The following PUM1 variants were observed in gnomAD, a reference collection of about 807,000 sequenced individuals.
PUM1 encodes pumilio homolog 1.
Under a neutral mutation model 131.8 loss-of-function variants are expected in PUM1, and 13 were observed. The observed-to-expected ratio is 0.10, with a 90% CI of 0.06 to 0.16. The LOEUF (loss-of-function observed/expected upper bound fraction) is 0.16. PUM1 is among the 10% of genes least tolerant of loss of function. The pLI, the probability that PUM1 is intolerant of heterozygous loss-of-function variation, is 1.00. For missense variants in PUM1, 961 were observed against 1,512.4 expected, an observed-to-expected ratio of 0.64 and a Z score of 6.05; for synonymous variants, 509 against 556.5, an observed-to-expected ratio of 0.91 and a Z score of 1.20.
At chr1:30,967,000 A>C (rs1640648964) in intron 12 of PUM1, 167 bp downstream of exon 12, 6 of 702,706 alleles carry the variant, frequency 8.5e-6, no homozygotes, top group Admixed American at 3.6e-5. Context: ...AACAAAAAGG[A>C]GAATCCACTA....
intron 1 of PUM1, among the ~76,000 whole-genome samples, chr1:31,062,452 T>G (rs928368348): frequency 6.6e-6 from 1 of 151,970 alleles, no homozygotes; most frequent in Non-Finnish European, 1.5e-5. Flanking sequence ...AAACCCCGTC[T>G]CTACTAAAAA....
At chr1:30,980,557 G>A (rs1181354913) in intron 8 of PUM1, among the ~76,000 whole-genome samples, 1 of 151,838 alleles carries the variant, frequency 6.6e-6, no homozygotes, top group African/African-American at 2.4e-5. Context: ...AAAATGTATG[G>A]GTATTTATAA....
intron 21 of PUM1, 97 bp from the exon 22 acceptor site, chr1:30,933,439 T>TACATACACACACAC: frequency 2.8e-6 from 1 of 362,424 alleles, no homozygotes; most frequent in Non-Finnish European, 4.9e-6. Context: ...CACACACACA[T>TACATACACACACAC]ACACACACAC....
In PUM1 at chr1:30,967,199, G is replaced by A; in HGVS notation, c.1757C>T (p.Pro586Leu). The A allele has an allele frequency of 6.2e-7, 1 of 1,614,128 alleles. No homozygotes were observed. The highest frequency in any genetic ancestry group is 8.5e-7 in the Non-Finnish European group (1 of 1,179,998). ...GAPVRLVAPA[P>L]VIISSSAAQA... The stretch of plus-strand genomic sequence containing the variant: ...TGCAGCTGAGGAACTAATGATGACT[G>A]GGGCAGGAGCTACAAGTCGAACAGG... Residue 586 changes from proline to leucine, a missense_variant, in exon 12 of 22, where the codon CCA (proline) becomes CTA (leucine). Around this residue, in one of 4 missense-constraint regions of PUM1, gnomAD observed 654 missense variants for 923.9 expected, o/e 0.71. Transcript: ENST00000426105.
chr1:31,036,729 A>G (rs1643623398), intron 2 of PUM1: 1 of 152,818 alleles, frequency 6.5e-6, no homozygotes, highest in South Asian at 2.1e-4. Flanking sequence ...ATACATGAGG[A>G]CACGTTTAGG....
At chr1:30,941,121 G>A (rs1180470813) in intron 20 of PUM1, 30 bp downstream of exon 20, 1 of 1,592,924 alleles carries the variant, frequency 6.3e-7, no homozygotes, top group African/African-American at 1.3e-5. Flanking sequence ...TCTCTTCTGG[G>A]AAATAGTCCT....
Position 30,932,909 on chromosome 1 carries a change from A to G in PUM1, c.*302T>C, listed in dbSNP as rs554764291. On this transcript the variant is annotated 3_prime_UTR_variant, in exon 22 of 22. Coordinates refer to ENST00000426105, the MANE Select transcript of PUM1 (RefSeq NM_001020658.2). ...TCCACATGTGAAATATAGATACAAC[A>G]GTGAACAAAATATGTGGCCTCCCAT... 1.6e-4 allele frequency: 31 copies of G among 193,316 alleles called. No homozygotes were observed. In the Admixed American group the frequency reaches 1.7e-3, roughly 10 times the overall value. 12.0% of individuals were successfully genotyped at this position (193,316 alleles called of 1,614,324 possible).
chr1:30,945,558 A>C (rs1639633203), intron 17 of PUM1, 75 bp from the exon 18 acceptor site: 1 of 1,475,736 alleles, frequency 6.8e-7, no homozygotes, highest in African/African-American at 1.4e-5. Flanking sequence ...TTTTCACCAA[A>C]CATGAAAGCA....
intron 2 of PUM1, 126 bp downstream of exon 2, chr1:31,059,078 A>C: frequency 8.9e-7 from 1 of 1,121,174 alleles, no homozygotes; most frequent in Non-Finnish European, 1.3e-6. Flanking sequence ...CTTTATAACA[A>C]GTAACTGTTT....
At chr1:30,975,022 A>G (rs1252383323) in intron 9 of PUM1, among the ~76,000 whole-genome samples, 3 of 152,248 alleles carry the variant, frequency 2.0e-5, no homozygotes, top group Admixed American at 6.5e-5. Flanking sequence ...TAGAGGAAGA[A>G]GCAGTGGGGA....
At chr1:31,013,933 T>C (rs1642714967) in intron 3 of PUM1, among the ~76,000 whole-genome samples, 1 of 152,154 alleles carries the variant, frequency 6.6e-6, no homozygotes, top group Non-Finnish European at 1.5e-5. Flanking sequence ...TTAAAACATA[T>C]CTTTAAGAAA....
intron 12 of PUM1, among the ~76,000 whole-genome samples, chr1:30,966,581 A>T (rs892684675): frequency 6.6e-6 from 1 of 152,180 alleles, no homozygotes; most frequent in Admixed American, 6.5e-5. Flanking sequence ...TAAAATCTTA[A>T]ATTCCATAAA....
At chr1:30,996,809 C>G (rs1641995714) in intron 5 of PUM1, among the ~76,000 whole-genome samples, 2 of 152,134 alleles carry the variant, frequency 1.3e-5, no homozygotes, top group South Asian at 4.1e-4. Flanking sequence ...TTCAAAATAT[C>G]CAAAGGCAAT....
chr1:31,030,745 C>A (rs917001803), intron 2 of PUM1, among the ~76,000 whole-genome samples: 2 of 151,902 alleles, frequency 1.3e-5, no homozygotes, highest in Admixed American at 1.3e-4. Flanking sequence ...TGCTGCCTAG[C>A]TGCCTATACA....
At chr1:31,003,214 C>CT (rs1642277194) in intron 5 of PUM1, among the ~76,000 whole-genome samples, 1 of 152,176 alleles carries the variant, frequency 6.6e-6, no homozygotes, top group South Asian at 2.1e-4. Flanking sequence ...ACCACTCCTC[C>CT]TTTAGAACAA....
Position 31,059,222 on chromosome 1 carries a change from G to A in PUM1, c.345C>T (p.Asn115=). 1 of 1,591,424 alleles carries A rather than the reference G, an allele frequency of 6.3e-7. No individual in the cohort carries two copies. The highest frequency in any genetic ancestry group is 8.6e-7 in the Non-Finnish European group (1 of 1,168,704). ...NSKHRWPTGD[N]IHAEHQVRSM... is the part of the protein sequence containing the mutation. ...TTTTTACCTGATGTTCTGCATGAAT[G>A]TTATCCCCAGTAGGCCATCGATGTT... The change falls in exon 2 of 22, where the codon AAC becomes AAT. Residue 115 remains asparagine (N), a synonymous_variant. Transcript: ENST00000426105.
In PUM1 at chr1:30,933,150, T is replaced by C. The variant is rs1012675746; in HGVS notation, c.*61A>G. Reference sequence around the variant, plus strand: ...ACACTAGAACATTTCTGGTTGCTGGTTGGATTTGCCAGTGGGCCAGTGAGG... The same window carrying C: ...ACACTAGAACATTTCTGGTTGCTGGCTGGATTTGCCAGTGGGCCAGTGAGG... On this transcript the variant is annotated 3_prime_UTR_variant, in exon 22 of 22. Coordinates refer to ENST00000426105, the MANE Select transcript of PUM1 (RefSeq NM_001020658.2). 6.4e-6 allele frequency: 10 copies of C among 1,553,198 alleles called. No homozygotes were observed. The highest frequency in any genetic ancestry group is 2.3e-5 in the East Asian group (1 of 42,950).
intron 3 of PUM1, among the ~76,000 whole-genome samples, chr1:31,023,725 T>TA (rs1557591130): frequency 6.7e-6 from 1 of 148,908 alleles, no homozygotes; most frequent in Non-Finnish European, 1.5e-5. Context: ...AGTCAAGAGA[T>TA]AGAGACCATC....
At chr1:30,987,990 T>C (rs1278037480) in intron 7 of PUM1, among the ~76,000 whole-genome samples, 1 of 152,236 alleles carries the variant, frequency 6.6e-6, no homozygotes, top group Non-Finnish European at 1.5e-5. Context: ...TCATGCATCA[T>C]ATCATAAATA....
Sources: gnomAD v4.1 joint callset for allele counts (sites outside exome capture counted in the v4.1 genomes callset) on GRCh38, gnomAD v4.1.1 for gene constraint, gnomAD v4.1.1 regional missense constraint, MANE v1.5 for transcripts, NCBI Gene and HGNC (gene_info 2026-07-23, HGNC 2026-07-21) for gene names.